SVEP1: variants seen among roughly 807,000 people sequenced by gnomAD.
SVEP1 encodes the protein sushi, von Willebrand factor type A, EGF and pentraxin domain-containing protein 1.
Under a neutral mutation model 367.3 loss-of-function variants are expected in SVEP1, and 164 were observed. The ratio of observed to expected loss-of-function variants is 0.45; its 90% CI spans 0.39 to 0.51. The LOEUF is 0.51. Ranked by LOEUF, SVEP1 falls within the 20% of genes least tolerant of loss-of-function variation. The pLI, the probability that SVEP1 is intolerant of heterozygous loss-of-function variation, is 0.00. For synonymous variants in SVEP1, 1,666 were observed against 1,611.6 expected, an observed-to-expected ratio of 1.03 and a Z score of -0.81; for missense variants, 4,117 against 4,425.3, an observed-to-expected ratio of 0.93 and a Z score of 1.98.
chr9:110,472,664 C>G (rs73655354), intron 14 of SVEP1, among the ~76,000 whole-genome samples: 80 of 152,194 alleles, frequency 5.3e-4, no homozygotes, highest in African/African-American at 1.9e-3. Context: ...AAATTCTAGT[C>G]AATTTCTATT....
chr9:110,425,042 G>C (rs1424368255), intron 36 of SVEP1, among the ~76,000 whole-genome samples: 1 of 152,050 alleles, frequency 6.6e-6, no homozygotes. Context: ...GAACAAGAGA[G>C]AGGCTTTCCT....
Position 110,436,397 on chromosome 9 carries a change from C to G in SVEP1, c.4747G>C (p.Val1583Leu). The change falls in exon 28 of 48, where the codon GTC (valine) becomes CTC (leucine). Residue 1583 changes from valine to leucine, a missense_variant. By Grantham distance (32) the Val-to-Leu change is conservative. Coordinates refer to ENST00000374469, the MANE Select transcript of SVEP1 (RefSeq NM_153366.4). ...SISQLNLWDY[V>L]LSPQQVKSLA... Reference sequence around the variant, plus strand: ...GAATTGACCTGCTGTGGAGACAGGACATAGTCCCAGAGGTTGAGCTGGCTT... The same window carrying G: ...GAATTGACCTGCTGTGGAGACAGGAGATAGTCCCAGAGGTTGAGCTGGCTT... The G allele has an allele frequency of 6.2e-7, 1 of 1,613,966 alleles. No homozygotes were observed. Among genetic ancestry groups the G allele is most frequent in the Non-Finnish European group, 8.5e-7 (1 of 1,179,860 alleles).
At chr9:110,535,838 T>G (rs961719622) in intron 3 of SVEP1, among the ~76,000 whole-genome samples, 2 of 152,258 alleles carry the variant, frequency 1.3e-5, no homozygotes, top group African/African-American at 4.8e-5. Context: ...TTGCTGGAGT[T>G]GTTTATCAGC....
intron 3 of SVEP1, among the ~76,000 whole-genome samples, chr9:110,529,716 T>C (rs1221998785): frequency 6.6e-6 from 1 of 152,218 alleles, no homozygotes; most frequent in East Asian, 1.9e-4. Flanking sequence ...ATATTGATTT[T>C]TGTAATCTGA....
At chr9:110,465,172 C>CAAAGACCCT (rs981042881) in intron 18 of SVEP1, among the ~76,000 whole-genome samples, 3 of 152,030 alleles carry the variant, frequency 2.0e-5, no homozygotes, top group African/African-American at 7.2e-5. Context: ...CCTACCGAAT[C>CAAAGACCCT]AAAGACCCTG....
chr9:110,495,030 A>G (rs1185831383), intron 8 of SVEP1, among the ~76,000 whole-genome samples: 1 of 152,088 alleles, frequency 6.6e-6, no homozygotes, highest in Non-Finnish European at 1.5e-5. Context: ...AAACTTCTCA[A>G]TTCTCCTAAA....
chr9:110,534,654 G>A (rs1830058837), intron 3 of SVEP1, among the ~76,000 whole-genome samples: 1 of 152,152 alleles, frequency 6.6e-6, no homozygotes, highest in East Asian at 1.9e-4. Flanking sequence ...CAGTGTGTAA[G>A]TGTTCCCTTT....
Position 110,481,453 on chromosome 9 carries a change from G to A in SVEP1, c.2171-17C>T, listed in dbSNP as rs763583755. Reference sequence around the variant, plus strand: ...AGGGAGAACCTGTGTAAAAAAAATTGTACTATTCATATATAGTGGTACAAG... The same window carrying A: ...AGGGAGAACCTGTGTAAAAAAAATTATACTATTCATATATAGTGGTACAAG... On this transcript the variant is annotated splice_polypyrimidine_tract_variant and intron_variant, in intron 11 of 47. Coordinates refer to ENST00000374469, the MANE Select transcript of SVEP1 (RefSeq NM_153366.4). 7.8e-6 allele frequency: 12 copies of A among 1,530,828 alleles called. No homozygotes were observed. The highest frequency in any genetic ancestry group is 1.1e-5 in the Non-Finnish European group (12 of 1,137,006). 94.8% of individuals were successfully genotyped at this position (1,530,828 alleles called of 1,614,324 possible).
chr9:110,378,797 A>T (rs1260101235), intron 44 of SVEP1, among the ~76,000 whole-genome samples: 2 of 151,372 alleles, frequency 1.3e-5, no homozygotes, highest in Non-Finnish European at 2.9e-5. Flanking sequence ...GCATTAGGAG[A>T]TATACCTAAT....
intron 3 of SVEP1, among the ~76,000 whole-genome samples, chr9:110,530,969 T>G (rs1453657806): frequency 1.3e-5 from 2 of 152,350 alleles, no homozygotes; most frequent in Admixed American, 1.3e-4. Flanking sequence ...CTTTATCACA[T>G]TTTAAAAAGT....
At chr9:110,550,215 G>T in intron 1 of SVEP1, 111 bp from the exon 2 acceptor site, 1 of 1,405,282 alleles carries the variant, frequency 7.1e-7, no homozygotes, top group Non-Finnish European at 9.8e-7. Flanking sequence ...TCACAGGCAT[G>T]AGGGATGGAA....
chr9:110,426,571 TGAA>T (rs1346367079), intron 36 of SVEP1, among the ~76,000 whole-genome samples: 2 of 152,198 alleles, frequency 1.3e-5, no homozygotes, highest in African/African-American at 4.8e-5. Flanking sequence ...TGTCAGCTTG[TGAA>T]GAACAACTGT....
chr9:110,552,736 T>C (rs2118856582), intron 1 of SVEP1, among the ~76,000 whole-genome samples: 1 of 152,262 alleles, frequency 6.6e-6, no homozygotes, highest in African/African-American at 2.4e-5. Context: ...CACTGCTCAC[T>C]TCCTGTTGTG....
intron 3 of SVEP1, among the ~76,000 whole-genome samples, chr9:110,516,425 T>C (rs1829805064): frequency 6.6e-6 from 1 of 151,790 alleles, no homozygotes; most frequent in African/African-American, 2.4e-5. Context: ...AAGGAAACAC[T>C]TAAAAATAGT....
intron 40 of SVEP1, among the ~76,000 whole-genome samples, chr9:110,395,194 T>C (rs1000710425): frequency 1.3e-5 from 2 of 152,172 alleles, no homozygotes; most frequent in African/African-American, 4.8e-5. Flanking sequence ...TGGGGGCCAA[T>C]ATTCAACATT....
chr9:110,416,664 T>C (rs1443055164), intron 36 of SVEP1, among the ~76,000 whole-genome samples: 1 of 152,030 alleles, frequency 6.6e-6, no homozygotes, highest in African/African-American at 2.4e-5. Flanking sequence ...AGAAGTACAA[T>C]GAGTCCCAAA....
chr9:110,430,188 T>G lies in SVEP1; in HGVS notation c.5530+86A>C, dbSNP rs146771966. On this transcript the variant is annotated intron_variant, in intron 33 of 47. Transcript: ENST00000374469. Reference sequence around the variant, plus strand: ...ACCTCAGTTCAAATACAAAGAACATTGATACAACATAACACTTCATATGTC... The same window carrying G: ...ACCTCAGTTCAAATACAAAGAACATGGATACAACATAACACTTCATATGTC... 9,049 of 1,398,804 alleles carry G rather than the reference T, an allele frequency of 6.5e-3. 45 individuals carry two copies. The highest frequency in any genetic ancestry group is 8.2e-3 in the Non-Finnish European group (8,496 of 1,034,612). The allele number at this position is 1,398,804 out of a possible 1,614,324, so 86.6% of individuals were successfully genotyped here. A position where few individuals can be genotyped will look rare whatever the true frequency, so the allele number is the denominator to read the frequency against.
intron 9 of SVEP1, among the ~76,000 whole-genome samples, chr9:110,486,966 C>G (rs943459142): frequency 2.0e-5 from 3 of 150,498 alleles, no homozygotes; most frequent in Admixed American, 1.3e-4. Context: ...CTCTCTGTCT[C>G]TCTCTTTGAG....
chr9:110,391,663 G>A (rs1827657592), intron 40 of SVEP1, among the ~76,000 whole-genome samples: 2 of 152,112 alleles, frequency 1.3e-5, no homozygotes, highest in Non-Finnish European at 2.9e-5. Flanking sequence ...AATTGAGAGA[G>A]CGATAATAGT....
Sources: gnomAD v4.1 joint callset for allele counts (sites outside exome capture counted in the v4.1 genomes callset) on GRCh38, gnomAD v4.1.1 for gene constraint, MANE v1.5 for transcripts, NCBI Gene and HGNC (gene_info 2026-07-23, HGNC 2026-07-21) for gene names.